The following WWOX variants were observed in gnomAD, a reference collection of about 807,000 sequenced individuals.
WWOX encodes WW domain containing oxidoreductase.
Under a neutral mutation model 46.2 loss-of-function variants are expected in WWOX, and 69 were observed. The observed-to-expected ratio is 1.49, with a 90% CI of 1.23 to 1.82. The LOEUF (loss-of-function observed/expected upper bound fraction) is 1.82. WWOX is among the 40% of genes most tolerant of loss of function. The pLI, the probability that WWOX is intolerant of heterozygous loss-of-function variation, is 0.00. For synonymous variants in WWOX, 359 were observed against 202.6 expected (o/e 1.77, Z -6.56); for missense variants, 919 against 542.6 (o/e 1.69, Z -6.89).
intron 8 of WWOX, among the ~76,000 whole-genome samples, chr16:79,207,424 T>G (rs922723011): frequency 7.9e-5 from 12 of 152,236 alleles, no homozygotes; most frequent in African/African-American, 2.7e-4. Context: ...AAAGGGCTGT[T>G]CTCCTTCCCT....
chr16:78,210,917 G>A (rs1408272385), intron 5 of WWOX, among the ~76,000 whole-genome samples: 1 of 152,146 alleles, frequency 6.6e-6, no homozygotes, highest in East Asian at 1.9e-4. Context: ...TATAGTTAAA[G>A]ATTCTGTTAA....
chr16:78,596,147 A>G (rs2045484166), intron 8 of WWOX, among the ~76,000 whole-genome samples: 2 of 152,008 alleles, frequency 1.3e-5, no homozygotes, highest in South Asian at 2.1e-4. Flanking sequence ...GTGAAAGAAT[A>G]TAAAACAAAA....
chr16:78,786,017 A>T (rs922014593), intron 8 of WWOX, among the ~76,000 whole-genome samples: 1 of 152,010 alleles, frequency 6.6e-6, no homozygotes, highest in African/African-American at 2.4e-5. Flanking sequence ...AGCGATTCTC[A>T]TGGCTTAGCC....
chr16:78,671,176 A>C (rs976019634), intron 8 of WWOX, among the ~76,000 whole-genome samples: 1 of 152,168 alleles, frequency 6.6e-6, no homozygotes, highest in Non-Finnish European at 1.5e-5. Flanking sequence ...TAATCCCAGC[A>C]CTTTGGGAGG....
At position 78,670,582 on chromosome 16, in the gene WWOX, C is replaced by G. The variant is rs1253260300; in HGVS notation, c.1056+237830C>G. Among the ~76,000 whole-genome samples the G allele has an allele frequency of 3.3e-5, 5 of 152,046 alleles. No individual in the cohort carries two copies. The East Asian group carries it at 9.7e-4, about 29-fold the overall frequency. ...CCCAGGTTTGGATTACAGATGGTTG[C>G]TGTACTAGATGAATAATGTCCCCCC... is the stretch of plus-strand genomic sequence containing the variant. On this transcript the variant is annotated intron_variant, in intron 8 of 8. Coordinates refer to ENST00000566780, the MANE Select transcript of WWOX (RefSeq NM_016373.4).
At chr16:78,487,496 G>T (rs971330100) in intron 8 of WWOX, among the ~76,000 whole-genome samples, 2 of 152,174 alleles carry the variant, frequency 1.3e-5, no homozygotes, top group African/African-American at 4.8e-5. Flanking sequence ...TACACTGAGG[G>T]TTTGCGAGAG....
chr16:78,796,563 T>G (rs2050743088), intron 8 of WWOX, among the ~76,000 whole-genome samples: 1 of 152,262 alleles, frequency 6.6e-6, no homozygotes, highest in Non-Finnish European at 1.5e-5. Flanking sequence ...CTTTCTATTG[T>G]AGATTGCTTA....
intron 8 of WWOX, among the ~76,000 whole-genome samples, chr16:79,026,997 A>G (rs1213188250): frequency 1.3e-5 from 2 of 151,358 alleles, no homozygotes; most frequent in African/African-American, 2.4e-5. Flanking sequence ...AACACAGTGG[A>G]GTCCAGGTAC....
At chr16:79,052,071 G>T (rs558389035) in intron 8 of WWOX, among the ~76,000 whole-genome samples, 2 of 150,476 alleles carry the variant, frequency 1.3e-5, no homozygotes, top group Non-Finnish European at 2.9e-5. Flanking sequence ...TAAGTTTTAG[G>T]GTACATGTGC....
intron 5 of WWOX, among the ~76,000 whole-genome samples, chr16:78,173,958 T>TGAGA (rs111730428): frequency 6.8e-6 from 1 of 145,986 alleles, no homozygotes; most frequent in African/African-American, 2.5e-5. Context: ...TGAGAGGAAT[T>TGAGA]GAGAGAGAGA....
At chr16:78,992,727 C>G (rs954635052) in intron 8 of WWOX, among the ~76,000 whole-genome samples, 3 of 152,096 alleles carry the variant, frequency 2.0e-5, no homozygotes, top group African/African-American at 4.8e-5. Flanking sequence ...TGGAAGGTAG[C>G]AAGAGGAAAT....
At chr16:78,453,781 G>A (rs1597106770) in intron 8 of WWOX, among the ~76,000 whole-genome samples, 1 of 152,158 alleles carries the variant, frequency 6.6e-6, no homozygotes, top group South Asian at 2.1e-4. Flanking sequence ...TTTTTAAACA[G>A]TGCGAAGATA....
intron 8 of WWOX, among the ~76,000 whole-genome samples, chr16:78,637,365 C>T (rs2151669204): frequency 6.6e-6 from 1 of 151,704 alleles, no homozygotes; most frequent in East Asian, 2.0e-4. Flanking sequence ...CTGTTGAACC[C>T]AGGAGGCAGA....
chr16:78,695,221 T>A (rs2048073362), intron 8 of WWOX, among the ~76,000 whole-genome samples: 1 of 152,180 alleles, frequency 6.6e-6, no homozygotes, highest in African/African-American at 2.4e-5. Flanking sequence ...CCTTTTGTTA[T>A]TATTCTATTA....
At chr16:78,684,101 C>G (rs568888989) in intron 8 of WWOX, among the ~76,000 whole-genome samples, 1 of 152,310 alleles carries the variant, frequency 6.6e-6, no homozygotes, top group South Asian at 2.1e-4. Context: ...CCGTGCAGTT[C>G]AACTCAACCT....
intron 8 of WWOX, among the ~76,000 whole-genome samples, chr16:79,104,639 C>A (rs1417501298): frequency 1.3e-5 from 2 of 152,092 alleles, no homozygotes; most frequent in Non-Finnish European, 2.9e-5. Context: ...CACCATGTAC[C>A]TTTGTGTCTC....
In WWOX at chr16:78,558,034, C is replaced by T. The variant is rs552780594; in HGVS notation, c.1056+125282C>T. ...CCTGGAACAGTGCCAAGCACATAGT[C>T]GGCCCTCAGTGAGCATTTGTTGACT... On this transcript the variant is annotated intron_variant, in intron 8 of 8. Transcript: ENST00000566780. 3.3e-5 allele frequency among the ~76,000 whole-genome samples: 5 copies of T among 152,170 alleles called. No homozygotes were observed. In the South Asian group the frequency reaches 6.2e-4, roughly 19 times the overall value.
At chr16:78,100,288 A>G in intron 1 of WWOX, 1 of 1,058,960 alleles carries the variant, frequency 9.4e-7, no homozygotes, top group Non-Finnish European at 1.2e-6. Context: ...GGTATTGCTC[A>G]GTCATCCAGG....
chr16:78,800,626 G>A (rs958824320), intron 8 of WWOX, among the ~76,000 whole-genome samples: 24 of 152,200 alleles, frequency 1.6e-4, no homozygotes, highest in Non-Finnish European at 2.8e-4. Flanking sequence ...GGCTTGCAGT[G>A]GCAGCTGACG....
Sources: allele counts gnomAD v4.1 joint callset (sites outside exome capture counted in the v4.1 genomes callset), GRCh38; gene constraint gnomAD v4.1.1; transcripts MANE v1.5; gene names NCBI Gene and HGNC (gene_info 2026-07-23, HGNC 2026-07-21).